Variants in ADGRB2 observed in about 807,000 individuals in gnomAD.
ADGRB2 encodes the protein brain-specific angiogenesis inhibitor 2.
Under a neutral mutation model 178.7 loss-of-function variants are expected in ADGRB2, and 47 were observed. The ratio of observed to expected loss-of-function variants is 0.26; its 90% CI spans 0.21 to 0.34. The LOEUF is 0.34. Among genes scored for constraint, ADGRB2 ranks in the 10% least tolerant of loss-of-function variants. The pLI, the probability that ADGRB2 is intolerant of heterozygous loss-of-function variation, is 1.00. For missense variants in ADGRB2, 1,584 were observed against 2,180.8 expected (o/e 0.73, Z 5.45); for synonymous variants, 870 against 912.4 (o/e 0.95, Z 0.84).
chr1:31,743,027 G>A (rs1219219868), intron 6 of ADGRB2, 25 bp from the exon 7 acceptor site: 4 of 1,394,746 alleles, frequency 2.9e-6, no homozygotes, highest in Admixed American at 5.9e-5. Context: ...GTGGCCGGTG[G>A]CTGGGCGGCA....
At chr1:31,743,037 A>G in intron 6 of ADGRB2, 35 bp from the exon 7 acceptor site, 1 of 1,370,290 alleles carries the variant, frequency 7.3e-7, no homozygotes, top group Non-Finnish European at 9.4e-7. Flanking sequence ...GCTGGGCGGC[A>G]CCATGGCCCC....
rs1460210957 is a variant in ADGRB2, at chr1:31,728,346, C to A, written c.4417-66G>T. The A allele has an allele frequency of 2.9e-5, 44 of 1,514,564 alleles. No homozygotes were observed. The highest frequency in any genetic ancestry group is 3.6e-5 in the Non-Finnish European group (40 of 1,101,978). The allele number at this position is 1,514,564 out of a possible 1,614,324, so 93.8% of individuals were successfully genotyped here. On this transcript the variant is annotated intron_variant, in intron 30 of 32. Coordinates refer to ENST00000373658, the MANE Select transcript of ADGRB2 (RefSeq NM_001364857.2). The surrounding 1 kb of genome is among the most constrained non-coding windows in gnomAD (Gnocchi z 6.7). The stretch of plus-strand genomic sequence containing the variant: ...GCACCATGATCCCCCCTACCCAGGG[C>A]ACTCAGCACCCCAAGCCCCCCACAT...
In ADGRB2 at chr1:31,741,241, G is replaced by A. The variant is rs544868883; in HGVS notation, c.1794+132C>T. ...AGTAGGAGCTTGCCAGACAAGGAGA[G>A]GCACAGCCAGGCAGAAGTGGGCACA... On this transcript the variant is annotated intron_variant, in intron 11 of 32. Transcript: ENST00000373658. The surrounding 1 kb of genome is among the most constrained non-coding windows in gnomAD (Gnocchi z 6.5). 4.5e-6 allele frequency: 4 copies of A among 897,700 alleles called. No homozygotes were observed. Among genetic ancestry groups the A allele is most frequent in the African/African-American group, 3.3e-5 (2 of 59,954 alleles). 55.6% of individuals were successfully genotyped at this position (897,700 alleles called of 1,614,324 possible).
In ADGRB2 at chr1:31,731,246, G is replaced by T; in HGVS notation, c.3934C>A (p.Leu1312Met). ...ILVPMAASPG[L>M]GEPPPPQEAN... ...TCCTGTGGGGGCGGAGGCTCCCCCA[G>T]CCCTGGTGAGGCTGCCATGGGCACC... is the stretch of plus-strand genomic sequence containing the variant. Residue 1312 changes from leucine (L) to methionine (M), a missense_variant, in exon 29 of 33, where the codon CTG becomes ATG. By Grantham distance (15) the Leu-to-Met change is conservative. Coordinates refer to ENST00000373658, the MANE Select transcript of ADGRB2 (RefSeq NM_001364857.2). 1 of 1,608,330 alleles carries T rather than the reference G, an allele frequency of 6.2e-7. No homozygotes were observed. Among genetic ancestry groups the T allele is most frequent in the East Asian group, 2.2e-5 (1 of 44,628 alleles).
intron 25 of ADGRB2, among the ~76,000 whole-genome samples, chr1:31,734,269 A>C (rs1222655543): frequency 6.6e-6 from 1 of 152,212 alleles, no homozygotes; most frequent in Non-Finnish European, 1.5e-5. Context: ...TCATGATCAA[A>C]ACAACTCCAA....
In ADGRB2 at chr1:31,764,032, C is replaced by T. The variant is rs1157780683; in HGVS notation, c.-339G>A. 1.2e-6 allele frequency: 1 copy of T among 861,854 alleles called. No individual in the cohort carries two copies. Among genetic ancestry groups the T allele is most frequent in the Non-Finnish European group, 1.4e-6 (1 of 734,946 alleles). The allele number at this position is 861,854 out of a possible 1,614,324, so 53.4% of individuals were successfully genotyped here. ...GGGCCGAGGCTCCCGCTCTCCCGGG[C>T]GGCGGGTGCAGAAAAGGCGCCGCGG... On this transcript the variant is annotated 5_prime_UTR_variant, in exon 1 of 33. Coordinates refer to ENST00000373658, the MANE Select transcript of ADGRB2 (RefSeq NM_001364857.2). The surrounding 1 kb of genome is among the most constrained non-coding windows in gnomAD (Gnocchi z 7.3).
At position 31,755,945 on chromosome 1, in the gene ADGRB2, G is replaced by A; in HGVS notation, c.838+54C>T. 6.4e-7 allele frequency: 1 copy of A among 1,551,462 alleles called. No individual in the cohort carries two copies. Among genetic ancestry groups the A allele is most frequent in the Non-Finnish European group, 8.7e-7 (1 of 1,145,350 alleles). ...GAGGATCTGCCAGGATGGACACCAGGGACACTGTCAGCCCCTGCAGACCCC... is the reference window on the plus strand; with the variant it reads ...GAGGATCTGCCAGGATGGACACCAGAGACACTGTCAGCCCCTGCAGACCCC... On this transcript the variant is annotated intron_variant, in intron 4 of 32. Coordinates refer to ENST00000373658, the MANE Select transcript of ADGRB2 (RefSeq NM_001364857.2). This position sits in a 1 kb window ranked among gnomAD's most constrained non-coding sequence, Gnocchi z 5.1.
rs749802832 is a variant in ADGRB2 at position 31,730,809 on chromosome 1, G to A, written c.4371C>T (p.Gly1457=). 2 of 1,502,004 alleles carry A rather than the reference G, an allele frequency of 1.3e-6. No individual in the cohort carries two copies. Among genetic ancestry groups the A allele is most frequent in the Non-Finnish European group, 1.8e-6 (2 of 1,125,618 alleles). 93.0% of individuals were successfully genotyped at this position (1,502,004 alleles called of 1,614,324 possible). A position where few individuals can be genotyped will look rare whatever the true frequency, so the allele number is the denominator to read the frequency against. ...RTVPGSTMKM[G]SLERKKLRYS... ...CCCTACAGCCCCTCACCTCCAGGGAGCCCATCTTCATGGTAGAGCCGGGCA... is the reference window on the plus strand; with the variant it reads ...CCCTACAGCCCCTCACCTCCAGGGAACCCATCTTCATGGTAGAGCCGGGCA... The change falls in exon 29 of 33, where the codon GGC becomes GGT. Residue 1457 remains glycine, a synonymous_variant. Transcript: ENST00000373658.
rs913341625 is a variant in ADGRB2, at chr1:31,737,610, G to A, written c.2876+42C>T. On this transcript the variant is annotated intron_variant, in intron 19 of 32. Coordinates refer to ENST00000373658, the MANE Select transcript of ADGRB2 (RefSeq NM_001364857.2). ...GTGTGGCTGGCCACCTTCTGCGCCTGCCCCCCCTCCCCCAGCCACAAGAGC... is the reference window on the plus strand; with the variant it reads ...GTGTGGCTGGCCACCTTCTGCGCCTACCCCCCCTCCCCCAGCCACAAGAGC... 39 of 1,610,390 alleles carry A rather than the reference G, an allele frequency of 2.4e-5. 1 individual carries two copies. The South Asian group carries it at 4.2e-4, about 17-fold the overall frequency.
At chr1:31,738,975 G>A (rs760068294) in intron 15 of ADGRB2, 38 bp from the exon 16 acceptor site, 1 of 1,541,872 alleles carries the variant, frequency 6.5e-7, no homozygotes, top group Non-Finnish European at 8.9e-7. Context: ...CTGCCAGCGG[G>A]TGCCAGCCCC....
chr1:31,736,349 G>A lies in ADGRB2; in HGVS notation c.3172C>T (p.Arg1058Ter). 6.2e-7 allele frequency: 1 copy of A among 1,614,072 alleles called. No individual in the cohort carries two copies. The highest frequency in any genetic ancestry group is 8.5e-7 in the Non-Finnish European group (1 of 1,180,000). The change falls in exon 22 of 33, where the codon CGA becomes TGA. Residue 1058 changes from arginine (R) to a stop codon, truncating the protein, a stop_gained. Coordinates refer to ENST00000373658, the MANE Select transcript of ADGRB2 (RefSeq NM_001364857.2). LOFTEE classifies it high-confidence loss of function. ...LVVAVSVGFT[R>*]TKGYGTSSYC... The stretch of plus-strand genomic sequence containing the variant: ...CTGGATGTACCGTATCCTTTCGTTC[G>A]GGTAAAGCCAACAGACACGGCCACC...
rs1321999596 is a variant in ADGRB2, at chr1:31,759,760, T to C, written c.-190-2249A>G. Among the ~76,000 whole-genome samples, 1 of 152,102 alleles carries C rather than the reference T, an allele frequency of 6.6e-6. No individual in the cohort carries two copies. The highest frequency in any genetic ancestry group is 1.9e-4 in the East Asian group (1 of 5,188). ...TTCATTGAAGACCCTCCTGCCTGTG[T>C]ATAGCCAGGCCTGTCCTCCTGGGGG... On this transcript the variant is annotated intron_variant, in intron 1 of 32. Coordinates refer to ENST00000373658, the MANE Select transcript of ADGRB2 (RefSeq NM_001364857.2). The surrounding 1 kb of genome is among the most constrained non-coding windows in gnomAD (Gnocchi z 4.3).
At chr1:31,732,833 C>T in intron 26 of ADGRB2, 139 bp downstream of exon 26, 1 of 1,271,690 alleles carries the variant, frequency 7.9e-7, no homozygotes, top group Non-Finnish European at 1.1e-6. Context: ...GGGCTATCAG[C>T]TTCCACAGTA....
intron 14 of ADGRB2, 53 bp from the exon 15 acceptor site, chr1:31,739,688 T>C: frequency 6.5e-7 from 1 of 1,527,274 alleles, no homozygotes; most frequent in East Asian, 2.3e-5. Flanking sequence ...AAACAAAGGG[T>C]GGCAGACCAG....
Position 31,744,878 on chromosome 1 carries a change from G to T in ADGRB2, c.839-147C>A. The T allele has an allele frequency of 2.6e-6, 2 of 758,672 alleles. No homozygotes were observed. The highest frequency in any genetic ancestry group is 4.6e-6 in the Non-Finnish European group (2 of 439,424). The allele number at this position is 758,672 out of a possible 1,614,324, so 47.0% of individuals were successfully genotyped here. On this transcript the variant is annotated intron_variant, in intron 4 of 32. Coordinates refer to ENST00000373658, the MANE Select transcript of ADGRB2 (RefSeq NM_001364857.2). This position sits in a 1 kb window ranked among gnomAD's most constrained non-coding sequence, Gnocchi z 6.7. ...CTCTCAGGATCACATTCTGCCCTCT[G>T]CCCCACCACCACTATTTCACAGACA...
rs1646707484 is a variant in ADGRB2, at chr1:31,753,938, C to T, written c.838+2061G>A. Among the ~76,000 whole-genome samples, 1 of 152,204 alleles carries T rather than the reference C, an allele frequency of 6.6e-6. No homozygotes were observed. Among genetic ancestry groups the T allele is most frequent in the Admixed American group, 6.5e-5 (1 of 15,288 alleles). On this transcript the variant is annotated intron_variant, in intron 4 of 32. Transcript: ENST00000373658. This position sits in a 1 kb window ranked among gnomAD's most constrained non-coding sequence, Gnocchi z 4.1. ...TTATGACAGCTGATGCCACATCATC[C>T]CATGCCAACTCCCTACAGGGGCCCT...
Position 31,763,874 on chromosome 1 carries a change from G to C in ADGRB2, c.-191+10C>G, listed in dbSNP as rs1387039695. 1.0e-6 allele frequency: 1 copy of C among 985,142 alleles called. No homozygotes were observed. The highest frequency in any genetic ancestry group is 1.7e-5 in the African/African-American group (1 of 57,174). 61.0% of individuals were successfully genotyped at this position (985,142 alleles called of 1,614,324 possible). A position where few individuals can be genotyped will look rare whatever the true frequency, so the allele number is the denominator to read the frequency against. ...CGAGGCCAGGTCGGGGTCTGGGGCC[G>C]AGCACTCACCTGGGCGCCGTCAGCA... On this transcript the variant is annotated intron_variant, in intron 1 of 32. Coordinates refer to ENST00000373658, the MANE Select transcript of ADGRB2 (RefSeq NM_001364857.2).
Position 31,733,111 on chromosome 1 carries a change from G to T in ADGRB2, c.3485C>A (p.Pro1162His). The T allele has an allele frequency of 6.3e-7, 1 of 1,587,466 alleles. No individual in the cohort carries two copies. Among genetic ancestry groups the T allele is most frequent in the Non-Finnish European group, 8.6e-7 (1 of 1,166,824 alleles). The change falls in exon 26 of 33, where the codon CCC (proline) becomes CAC (histidine). Residue 1162 changes from proline (P) to histidine (H), a missense_variant. Around this residue, in one of 3 missense-constraint regions of ADGRB2, gnomAD observed 865 missense variants for 1,192.8 expected, o/e 0.73. Transcript: ENST00000373658. This position sits in a 1 kb window ranked among gnomAD's most constrained non-coding sequence, Gnocchi z 4.3. ...ASLWSSCVVLPLLALTWMSAV... is the reference protein window; with the variant it reads ...ASLWSSCVVLHLLALTWMSAV... The stretch of plus-strand genomic sequence containing the variant: ...AGACATCCAGGTGAGCGCCAGCAGG[G>T]GCAGCACCACGCAGGAGCTCCAGAG...
rs745674568 is a variant in ADGRB2, at chr1:31,756,409, C to A, written c.428G>T (p.Ser143Ile). The change falls in exon 4 of 33, where the codon AGC becomes ATC. Residue 143 changes from serine to isoleucine, a missense_variant. This residue lies in a region of ADGRB2 where 657 missense variants were observed against 847.6 expected (regional missense o/e 0.78). Transcript: ENST00000373658. This position sits in a 1 kb window ranked among gnomAD's most constrained non-coding sequence, Gnocchi z 8.5. Reference sequence around the variant, plus strand: ...CAGGAAGGTAAAGGGGCCTGAGCCGCTGCACAGCTCCAACCCCGCTGCCGC... The same window carrying A: ...CAGGAAGGTAAAGGGGCCTGAGCCGATGCACAGCTCCAACCCCGCTGCCGC... ...AEAAAGLELC[S>I]GSGPFTFLHF... 10 of 1,612,906 alleles carry A rather than the reference C, an allele frequency of 6.2e-6. No homozygotes were observed. In the South Asian group the frequency reaches 6.6e-5, roughly 11 times the overall value.
Sources: gnomAD v4.1 joint callset for allele counts (sites outside exome capture counted in the v4.1 genomes callset) on GRCh38, gnomAD v4.1.1 for gene constraint, gnomAD v4.1.1 regional missense constraint, Gnocchi (gnomAD v3.1) non-coding constraint, MANE v1.5 for transcripts, NCBI Gene and HGNC (gene_info 2026-07-23, HGNC 2026-07-21) for gene names.